TSNARE1: variants seen among roughly 807,000 people sequenced by gnomAD.
The protein encoded by TSNARE1 is t-SNARE domain containing 1, also known as t-SNARE domain-containing protein 1.
TSNARE1 carries 49 observed loss-of-function variants against 62.0 expected under a neutral mutation model. That is an observed-to-expected ratio of 0.79 (90% CI 0.63 to 1.00). The LOEUF is 1.00. TSNARE1 is among the 50% of genes least tolerant of loss of function. The pLI is 0.00. For synonymous variants in TSNARE1, 328 were observed against 294.4 expected (o/e 1.11, Z -1.17); for missense variants, 755 against 700.1 (o/e 1.08, Z -0.88).
chr8:142,270,672 T>C, intron 12 of TSNARE1: 1 of 985,350 alleles, frequency 1.0e-6, no homozygotes, highest in Non-Finnish European at 1.2e-6. Flanking sequence ...TGGGACCTTT[T>C]TAGAGCCTGG....
At chr8:142,389,168 T>C (rs549090876) in intron 1 of TSNARE1, among the ~76,000 whole-genome samples, 21 of 152,320 alleles carry the variant, frequency 1.4e-4, no homozygotes, top group South Asian at 1.0e-3. Context: ...AGTCTCTCAA[T>C]AAATGATGCT....
chr8:142,346,173 C>T (rs746605836), intron 2 of TSNARE1, among the ~76,000 whole-genome samples: 65 of 152,192 alleles, frequency 4.3e-4, no homozygotes, highest in Non-Finnish European at 5.3e-4. Context: ...GCAGGGGTAG[C>T]CACAGATTAA....
intron 9 of TSNARE1, among the ~76,000 whole-genome samples, chr8:142,311,952 A>G (rs1449109573): frequency 6.6e-6 from 1 of 152,074 alleles, no homozygotes; most frequent in Non-Finnish European, 1.5e-5. Flanking sequence ...GTAAAAGTCT[A>G]TACCATTTAC....
intron 1 of TSNARE1, among the ~76,000 whole-genome samples, chr8:142,367,250 T>C (rs79477611): frequency 0.012 from 1,812 of 152,304 alleles, 24 homozygotes; most frequent in Middle Eastern, 0.027. Flanking sequence ...AGACAGTTCA[T>C]ATGGGAAAAC....
Position 142,344,467 on chromosome 8 carries a change from C to G in TSNARE1, c.244G>C (p.Gly82Arg), listed in dbSNP as rs762769281. Reference protein sequence around the residue: ...IVPRARKRGPGVAPEGSRMPE... With the variant: ...IVPRARKRGPRVAPEGSRMPE... The stretch of plus-strand genomic sequence containing the variant: ...ATCCGGCTGCCTTCAGGGGCAACCC[C>G]AGGCCCTGGAAAGGCACCAAAAGGC... The change falls in exon 4 of 14, where the codon GGG (glycine) becomes CGG (arginine). Residue 82 changes from glycine (G) to arginine (R), a missense_variant. Gly to Arg is a moderately radical substitution (Grantham distance 125, BLOSUM62 -2). Transcript: ENST00000524325. The G allele has an allele frequency of 1.2e-4, 178 of 1,546,304 alleles. No individual in the cohort carries two copies. Among genetic ancestry groups the G allele is most frequent in the Non-Finnish European group, 1.5e-4 (176 of 1,151,146 alleles).
At chr8:142,359,786 C>T (rs1228042713) in intron 1 of TSNARE1, among the ~76,000 whole-genome samples, 3 of 152,200 alleles carry the variant, frequency 2.0e-5, no homozygotes, top group Non-Finnish European at 4.4e-5. Flanking sequence ...CACTAAGGCC[C>T]GGGGTCAGCC....
At chr8:142,244,807 A>G (rs898533656) in intron 12 of TSNARE1, among the ~76,000 whole-genome samples, 5 of 152,184 alleles carry the variant, frequency 3.3e-5, no homozygotes, top group Admixed American at 6.5e-5. Context: ...CTGGCACAGA[A>G]CCTGCCACTC....
At position 142,348,047 on chromosome 8, in the gene TSNARE1, T is replaced by A. The variant is rs532414970; in HGVS notation, c.89-2155A>T. Among the ~76,000 whole-genome samples, 3 of 152,206 alleles carry A rather than the reference T, an allele frequency of 2.0e-5. No individual in the cohort carries two copies. In the East Asian group the frequency reaches 5.8e-4, roughly 29 times the overall value. On this transcript the variant is annotated intron_variant, in intron 2 of 13. Transcript: ENST00000524325. ...CATGGCAGGGACAGGCCTGGGACAT[T>A]TGCTGTTTGCTTTTGAATAGAATAA...
intron 12 of TSNARE1, among the ~76,000 whole-genome samples, chr8:142,252,057 G>T (rs1230599634): frequency 1.5e-5 from 2 of 134,318 alleles, no homozygotes; most frequent in Non-Finnish European, 1.6e-5. Context: ...TTCTCTATCT[G>T]CAGGGCCCGG....
At chr8:142,323,550 G>T (rs539544497) in intron 6 of TSNARE1, among the ~76,000 whole-genome samples, 226 of 152,358 alleles carry the variant, frequency 1.5e-3, no homozygotes, top group African/African-American at 5.2e-3. Flanking sequence ...AAGGCCAAGT[G>T]TGGGTCCCAC....
chr8:142,340,355 G>C (rs939194797), intron 4 of TSNARE1, among the ~76,000 whole-genome samples: 8 of 152,172 alleles, frequency 5.3e-5, no homozygotes, highest in Non-Finnish European at 8.8e-5. Context: ...GAGGCACATG[G>C]GGCATGGCTC....
intron 4 of TSNARE1, among the ~76,000 whole-genome samples, chr8:142,332,405 G>A (rs369917407): frequency 3.2e-4 from 48 of 152,326 alleles, no homozygotes; most frequent in African/African-American, 1.1e-3. Flanking sequence ...GGCAGTGAGA[G>A]GGAGGAATGG....
rs556192394 is a variant in TSNARE1, at chr8:142,284,480, G to A, written c.1296C>T (p.Asn432=). 34 of 1,613,616 alleles carry A rather than the reference G, an allele frequency of 2.1e-5. 1 individual carries two copies. The African/African-American group carries it at 4.4e-4, about 21-fold the overall frequency. Residue 432 remains asparagine (N), a synonymous_variant, in exon 11 of 14, where the codon AAC becomes AAT. Transcript: ENST00000524325. ...REEAILQMES[N]LLDVNQIIKD... ...TGATGATCTGATTCACATCCAGCAA[G>A]TTGCTCTGTGGAAACAACATAGAAC...
At chr8:142,277,908 C>T in intron 11 of TSNARE1, 1 of 985,374 alleles carries the variant, frequency 1.0e-6, no homozygotes, top group Non-Finnish European at 1.2e-6. Flanking sequence ...CAGGCCCCTC[C>T]TTCTCAGCCC....
intron 1 of TSNARE1, among the ~76,000 whole-genome samples, chr8:142,398,345 C>T (rs1838049554): frequency 6.6e-6 from 1 of 150,830 alleles, no homozygotes; most frequent in Non-Finnish European, 1.5e-5. Flanking sequence ...ACACCCCTAG[C>T]CCTGCCCAAA....
intron 1 of TSNARE1, among the ~76,000 whole-genome samples, chr8:142,360,654 C>T (rs1835086157): frequency 6.6e-6 from 1 of 152,144 alleles, no homozygotes. Flanking sequence ...AGGGAGCCGT[C>T]TGTCCTTGCA....
At chr8:142,315,985 C>T (rs1056869610) in intron 7 of TSNARE1, among the ~76,000 whole-genome samples, 10 of 152,342 alleles carry the variant, frequency 6.6e-5, no homozygotes, top group Non-Finnish European at 1.0e-4. Flanking sequence ...ATTCGCTTCA[C>T]GAGGAAACTG....
chr8:142,393,262 C>T (rs1034760004), intron 1 of TSNARE1, among the ~76,000 whole-genome samples: 1 of 152,204 alleles, frequency 6.6e-6, no homozygotes, highest in Non-Finnish European at 1.5e-5. Flanking sequence ...GATTCCATTT[C>T]TACGACTCGC....
chr8:142,282,197 C>G (rs981128070), intron 11 of TSNARE1, among the ~76,000 whole-genome samples: 2 of 152,192 alleles, frequency 1.3e-5, no homozygotes, highest in African/African-American at 4.8e-5. Context: ...CTGCACGTTC[C>G]CATGCCGCTC....
Sources: allele counts gnomAD v4.1 joint callset (sites outside exome capture counted in the v4.1 genomes callset), GRCh38; gene constraint gnomAD v4.1.1; transcripts MANE v1.5; gene names NCBI Gene and HGNC (gene_info 2026-07-23, HGNC 2026-07-21).